NKAIN3: variants seen among roughly 807,000 people sequenced by gnomAD.
NKAIN3 encodes sodium/potassium-transporting ATPase subunit beta-1-interacting protein 3.
NKAIN3 carries 25 observed loss-of-function variants against 30.2 expected under a neutral mutation model. The observed-to-expected ratio is 0.83, with a 90% CI of 0.60 to 1.16. The LOEUF is 1.16. NKAIN3 is among the 50% of genes most tolerant of loss of function. The pLI is 0.00. For missense variants in NKAIN3, 225 were observed against 254.1 expected (o/e 0.89, Z 0.78); for synonymous variants, 91 against 89.6 (o/e 1.02, Z -0.09).
chr8:62,328,606 A>T (rs1439255850), intron 1 of NKAIN3, among the ~76,000 whole-genome samples: 3 of 152,094 alleles, frequency 2.0e-5, no homozygotes, highest in Non-Finnish European at 4.4e-5. Flanking sequence ...TATGTAAAGG[A>T]ACACCTTAAC....
intron 3 of NKAIN3, among the ~76,000 whole-genome samples, chr8:62,657,270 C>T (rs1221167373): frequency 6.6e-6 from 1 of 152,030 alleles, no homozygotes; most frequent in East Asian, 1.9e-4. Flanking sequence ...TATCAGAATC[C>T]ATTTTAGAAA....
chr8:62,504,304 T>A (rs1005965746), intron 1 of NKAIN3, among the ~76,000 whole-genome samples: 8 of 152,224 alleles, frequency 5.3e-5, no homozygotes, highest in Non-Finnish European at 1.2e-4. Context: ...TAAAACCTAC[T>A]TTGCAGAATA....
chr8:62,989,857 A>G (rs1824283673), downstream of NKAIN3, among the ~76,000 whole-genome samples: 1 of 152,204 alleles, frequency 6.6e-6, no homozygotes, highest in African/African-American at 2.4e-5. Context: ...CTATGACATC[A>G]TGAATTCTCT....
chr8:62,706,043 G>T (rs1057149812), intron 3 of NKAIN3, among the ~76,000 whole-genome samples: 3 of 152,106 alleles, frequency 2.0e-5, no homozygotes, highest in Non-Finnish European at 4.4e-5. Flanking sequence ...TGACCTGTGT[G>T]AGTATTTTAT....
rs188352688 is a variant in NKAIN3 at position 62,389,622 on chromosome 8, A to G, written c.54+140495A>G. Among the ~76,000 whole-genome samples the G allele has an allele frequency of 1.6e-4, 24 of 152,338 alleles. No individual in the cohort carries two copies. In the East Asian group the frequency reaches 4.6e-3, roughly 29 times the overall value. On this transcript the variant is annotated intron_variant, in intron 1 of 6. Transcript: ENST00000623646. The stretch of plus-strand genomic sequence containing the variant: ...ATAAATATATTTGCAGAAAGGGAAA[A>G]CTGAGTAAGTTTGTGGATCTATGTT...
chr8:62,848,936 C>G (rs1435893979), intron 4 of NKAIN3, among the ~76,000 whole-genome samples: 1 of 151,760 alleles, frequency 6.6e-6, no homozygotes, highest in East Asian at 1.9e-4. Context: ...GGTTTTTGTC[C>G]TTAGATCTGT....
chr8:62,254,206 C>T (rs1165761327), intron 1 of NKAIN3, among the ~76,000 whole-genome samples: 3 of 140,676 alleles, frequency 2.1e-5, no homozygotes, highest in East Asian at 4.3e-4. Flanking sequence ...GTGTGTAGGT[C>T]TAGCAGATGT....
intron 1 of NKAIN3, among the ~76,000 whole-genome samples, chr8:62,419,040 G>A (rs908857351): frequency 1.3e-5 from 2 of 152,130 alleles, no homozygotes; most frequent in Non-Finnish European, 2.9e-5. Flanking sequence ...TTGAGTGGTG[G>A]TAAAAGGAGC....
intron 1 of NKAIN3, among the ~76,000 whole-genome samples, chr8:62,544,472 C>G (rs77509863): frequency 0.011 from 1,687 of 152,210 alleles, 19 homozygotes; most frequent in Non-Finnish European, 0.017. Context: ...TTTTACTACT[C>G]AGATACAAAC....
rs754091032 is a variant in NKAIN3 at position 62,338,340 on chromosome 8, T to G, written c.54+89213T>G. On this transcript the variant is annotated intron_variant, in intron 1 of 6. Transcript: ENST00000623646. The stretch of plus-strand genomic sequence containing the variant: ...TATACAATTATAAAATAAGAGTCAT[T>G]CTTTAGTTTTCCAGTAAATGAGTAT... 5.3e-5 allele frequency among the ~76,000 whole-genome samples: 8 copies of G among 152,024 alleles called. No individual in the cohort carries two copies. The South Asian group carries it at 1.7e-3, about 31-fold the overall frequency.
intron 4 of NKAIN3, among the ~76,000 whole-genome samples, chr8:62,859,246 G>T (rs1390190312): frequency 6.6e-6 from 1 of 152,086 alleles, no homozygotes; most frequent in African/African-American, 2.4e-5. Flanking sequence ...TCTTCTCCAT[G>T]AGTTGGGTTA....
intron 4 of NKAIN3, among the ~76,000 whole-genome samples, chr8:62,908,875 A>C (rs1276346543): frequency 6.6e-6 from 1 of 152,204 alleles, no homozygotes; most frequent in Non-Finnish European, 1.5e-5. Flanking sequence ...TTAAGCTTTA[A>C]GGCTTCAATG....
chr8:62,966,699 T>A lies in NKAIN3; in HGVS notation c.*1292T>A, dbSNP rs1271862968. 6.6e-6 allele frequency among the ~76,000 whole-genome samples: 1 copy of A among 152,198 alleles called. No individual in the cohort carries two copies. The highest frequency in any genetic ancestry group is 1.5e-5 in the Non-Finnish European group (1 of 68,046). On this transcript the variant is annotated 3_prime_UTR_variant, in exon 7 of 7. Coordinates refer to ENST00000623646, the MANE Select transcript of NKAIN3 (RefSeq NM_001304533.3). ...TTTTCACATCACTTTTGCCCACACT[T>A]CTCAATCACTATTTTTTATATGAAA... is the stretch of plus-strand genomic sequence containing the variant.
At chr8:62,864,017 G>A in intron 4 of NKAIN3, 1 of 722,958 alleles carries the variant, frequency 1.4e-6, no homozygotes, top group Non-Finnish European at 2.5e-6. Context: ...AGCTTTGTAG[G>A]GTGTTTCTCT....
At chr8:62,388,226 T>C (rs1430082708) in intron 1 of NKAIN3, among the ~76,000 whole-genome samples, 1 of 152,258 alleles carries the variant, frequency 6.6e-6, no homozygotes, top group East Asian at 1.9e-4. Context: ...CTGAAAGGCC[T>C]TAGTTTTTAG....
chr8:62,335,303 G>C (rs568696351), intron 1 of NKAIN3, among the ~76,000 whole-genome samples: 2 of 151,788 alleles, frequency 1.3e-5, no homozygotes, highest in African/African-American at 4.8e-5. Context: ...ACTCATGCCT[G>C]TTATTACAGC....
chr8:62,517,951 A>G (rs1808044514), intron 1 of NKAIN3, among the ~76,000 whole-genome samples: 1 of 152,070 alleles, frequency 6.6e-6, no homozygotes, highest in South Asian at 2.1e-4. Context: ...TATATCTTCC[A>G]TTTCAAATGG....
intron 3 of NKAIN3, among the ~76,000 whole-genome samples, chr8:62,622,082 T>G (rs1798266357): frequency 6.6e-6 from 1 of 152,042 alleles, no homozygotes; most frequent in Admixed American, 6.6e-5. Context: ...CTCTTCTCAT[T>G]CAGGATAACT....
chr8:62,260,751 T>C (rs957192588), intron 1 of NKAIN3, among the ~76,000 whole-genome samples: 2 of 152,214 alleles, frequency 1.3e-5, no homozygotes, highest in African/African-American at 4.8e-5. Context: ...AATACAGCTT[T>C]ATTAAACATT....
Sources: gnomAD v4.1 joint callset for allele counts (sites outside exome capture counted in the v4.1 genomes callset) on GRCh38, gnomAD v4.1.1 for gene constraint, MANE v1.5 for transcripts, NCBI Gene and HGNC (gene_info 2026-07-23, HGNC 2026-07-21) for gene names.